The following PCDHA8 variants were observed in gnomAD, a reference collection of about 807,000 sequenced individuals.
PCDHA8 encodes protocadherin alpha-8.
In PCDHA8, 53 loss-of-function variants were observed where a neutral mutation model predicts 61.8. The ratio of observed to expected loss-of-function variants is 0.86; its 90% confidence interval spans 0.69 to 1.08. The LOEUF is 1.08. Among genes scored for constraint, PCDHA8 ranks in the 50% least tolerant of loss-of-function variants. The pLI is 0.00. For synonymous variants in PCDHA8, 618 were observed against 556.6 expected, an observed-to-expected ratio of 1.11 and a Z score of -1.55; for missense variants, 1,293 against 1,245.0, an observed-to-expected ratio of 1.04 and a Z score of -0.58.
intron 3 of PCDHA8, among the ~76,000 whole-genome samples, chr5:141,007,772 G>T (rs1384054820): frequency 6.6e-6 from 1 of 152,122 alleles, no homozygotes; most frequent in Non-Finnish European, 1.5e-5. Context: ...GCCTGGAAAT[G>T]GTACTGCTTT....
chr5:140,921,974 T>G lies in PCDHA8; in HGVS notation c.2395-56975T>G, dbSNP rs184369031. Among the ~76,000 whole-genome samples the G allele has an allele frequency of 1.1e-3, 161 of 151,826 alleles. 2 individuals are homozygous for G. The highest frequency in any genetic ancestry group is 2.1e-3 in the Non-Finnish European group (141 of 67,922). The stretch of plus-strand genomic sequence containing the variant: ...AATCCCAGAAAACCAAAGGAAAAAA[T>G]AGAACTAAAAAAGAGTTCAATGAAA... On this transcript the variant is annotated intron_variant, in intron 1 of 3. Transcript: ENST00000531613.
intron 3 of PCDHA8, 48 bp from the exon 4 acceptor site, chr5:141,009,579 A>T: frequency 6.3e-7 from 1 of 1,586,202 alleles, no homozygotes; most frequent in Non-Finnish European, 8.6e-7. Context: ...TGTGGCATCA[A>T]GAGCATGTGT....
At chr5:140,849,620 C>A (rs2040998983) in intron 1 of PCDHA8, 1 of 1,598,622 alleles carries the variant, frequency 6.3e-7, no homozygotes, top group Non-Finnish European at 8.6e-7. Context: ...TTAGTGTGAT[C>A]GACCTAGACG....
chr5:140,892,793 A>G (rs1292583572), intron 1 of PCDHA8, among the ~76,000 whole-genome samples: 1 of 152,224 alleles, frequency 6.6e-6, no homozygotes, highest in Non-Finnish European at 1.5e-5. Context: ...TATGTAAGAA[A>G]TTATAGTTAA....
rs2150327747 is a variant in PCDHA8 at position 140,842,035 on chromosome 5, T to C, written c.714T>C (p.Asn238=). 3 of 1,613,864 alleles carry C rather than the reference T, an allele frequency of 1.9e-6. No homozygotes were observed. The highest frequency in any genetic ancestry group is 1.1e-5 in the South Asian group (1 of 91,080). Residue 238 remains asparagine, a synonymous_variant, in exon 1 of 4, where the codon AAT becomes AAC. Coordinates refer to ENST00000531613, the MANE Select transcript of PCDHA8 (RefSeq NM_018911.3). The stretch of plus-strand genomic sequence containing the variant: ...TCACAGTGCTGGATGTGAATGATAA[T>C]GCTCCCACTTTCGAACAGTCTGAAT... ...LLVTVLDVND[N]APTFEQSEYE...
At chr5:140,883,128 C>G (rs782352091) in intron 1 of PCDHA8, 1 of 1,614,060 alleles carries the variant, frequency 6.2e-7, no homozygotes, top group Non-Finnish European at 8.5e-7. Flanking sequence ...CCTGTATGGC[C>G]TGCAGTGGTA....
chr5:141,002,271 T>C (rs942626808), intron 3 of PCDHA8, among the ~76,000 whole-genome samples: 3 of 152,220 alleles, frequency 2.0e-5, no homozygotes, highest in African/African-American at 7.2e-5. Context: ...CCAGAGCTGG[T>C]AACAAAGGGA....
At chr5:140,948,489 T>C (rs547481990) in intron 1 of PCDHA8, among the ~76,000 whole-genome samples, 6 of 151,790 alleles carry the variant, frequency 4.0e-5, no homozygotes, top group Admixed American at 3.3e-4. Context: ...TTCAATTTCT[T>C]TCATAGACTT....
intron 1 of PCDHA8, among the ~76,000 whole-genome samples, chr5:140,932,493 T>A (rs148938081): frequency 6.6e-6 from 1 of 152,006 alleles, no homozygotes; most frequent in East Asian, 1.9e-4. Context: ...CTTTGCAATG[T>A]CATTTGTTAA....
chr5:140,947,778 G>A (rs2094175732), intron 1 of PCDHA8, among the ~76,000 whole-genome samples: 2 of 151,456 alleles, frequency 1.3e-5, no homozygotes, highest in South Asian at 4.1e-4. Context: ...TATTGTAAAT[G>A]GATTTTAAAC....
At chr5:140,920,930 T>C (rs1286502333) in intron 1 of PCDHA8, among the ~76,000 whole-genome samples, 1 of 151,962 alleles carries the variant, frequency 6.6e-6, no homozygotes, top group Non-Finnish European at 1.5e-5. Flanking sequence ...GTAGGTGATC[T>C]AGCCCTTTCA....
intron 2 of PCDHA8, among the ~76,000 whole-genome samples, chr5:140,980,159 A>G (rs2153821002): frequency 6.6e-6 from 1 of 152,326 alleles, no homozygotes; most frequent in Admixed American, 6.5e-5. Context: ...ATACCAGAAT[A>G]TTAGGTATCA....
intron 3 of PCDHA8, among the ~76,000 whole-genome samples, chr5:140,985,689 C>A (rs1237077456): frequency 6.6e-6 from 1 of 151,906 alleles, no homozygotes; most frequent in African/African-American, 2.4e-5. Flanking sequence ...TTACGCTAAT[C>A]CTCGTTCATA....
In PCDHA8 at chr5:140,982,560, C is replaced by T. The variant is rs782437404; in HGVS notation, c.2539C>T (p.Pro847Ser). 6.2e-7 allele frequency: 1 copy of T among 1,614,098 alleles called. No homozygotes were observed. Among genetic ancestry groups the T allele is most frequent in the Admixed American group, 1.7e-5 (1 of 60,022 alleles). ...GTGGCCAACAGTATCCAGTGCAACA[C>T]CAGGTAAAGAGCTGGGGTCTCTCCA... ...QQWPTVSSAT[P>S]EPEAGEVSPP... The change falls in exon 3 of 4, where the codon CCA (proline) becomes TCA (serine). Residue 847 changes from proline (P) to serine (S), a missense_variant. Coordinates refer to ENST00000531613, the MANE Select transcript of PCDHA8 (RefSeq NM_018911.3).
chr5:141,001,825 CAG>C (rs1244261427), intron 3 of PCDHA8, among the ~76,000 whole-genome samples: 1 of 151,674 alleles, frequency 6.6e-6, no homozygotes, highest in Non-Finnish European at 1.5e-5. Flanking sequence ...CAAATTCTGA[CAG>C]AGAGGGAGAC....
chr5:140,848,619 G>T lies in PCDHA8; in HGVS notation c.2394+4904G>T, dbSNP rs545024019. The T allele has an allele frequency of 8.2e-6, 13 of 1,593,396 alleles. No homozygotes were observed. The highest frequency in any genetic ancestry group is 5.4e-5 in the African/African-American group (4 of 74,388). On this transcript the variant is annotated intron_variant, in intron 1 of 3. Coordinates refer to ENST00000531613, the MANE Select transcript of PCDHA8 (RefSeq NM_018911.3). ...CTCCGTCCCGGAGGAAGCCGAACAC[G>T]GCACCTTCGTGGGCCGCATCGCGCA...
chr5:140,898,462 C>T (rs1398136688), intron 1 of PCDHA8, among the ~76,000 whole-genome samples: 7 of 150,224 alleles, frequency 4.7e-5, no homozygotes, highest in African/African-American at 1.5e-4. Flanking sequence ...TTCCCCATTG[C>T]TTGTTTTTCT....
intron 1 of PCDHA8, among the ~76,000 whole-genome samples, chr5:140,914,944 CT>C (rs35695909): frequency 0.29 from 37,051 of 128,010 alleles, 4,894 homozygotes; most frequent in East Asian, 0.5. Flanking sequence ...GAAAAGTTGT[CT>C]TTTTTTTTTT....
intron 3 of PCDHA8, among the ~76,000 whole-genome samples, chr5:141,004,659 G>C (rs1012907350): frequency 1.3e-5 from 2 of 152,182 alleles, no homozygotes; most frequent in Admixed American, 1.3e-4. Context: ...GGCTCTGAGG[G>C]CAACTAAAGG....
Sources: allele counts gnomAD v4.1 joint callset (sites outside exome capture counted in the v4.1 genomes callset), GRCh38; gene constraint gnomAD v4.1.1; transcripts MANE v1.5; gene names NCBI Gene and HGNC (gene_info 2026-07-23, HGNC 2026-07-21).